Variants in THADA observed in about 807,000 individuals in gnomAD.
THADA encodes the protein THADA armadillo repeat containing.
In THADA, 213 loss-of-function variants were observed where a neutral mutation model predicts 219.8. That is an observed-to-expected ratio of 0.97 (90% CI 0.87 to 1.09). The LOEUF (loss-of-function observed/expected upper bound fraction) is 1.09, where lower values mean the gene tolerates loss of function less well. Ranked by LOEUF, THADA falls within the 50% of genes least tolerant of loss-of-function variation. THADA has a pLI of 0.00. For synonymous variants in THADA, 1,018 were observed against 828.9 expected, an observed-to-expected ratio of 1.23 and a Z score of -3.92; for missense variants, 2,956 against 2,311.3, an observed-to-expected ratio of 1.28 and a Z score of -5.72.
At chr2:43,291,454 CAAAAAAAAAAAAAAA>C (rs765352765) in intron 34 of THADA, among the ~76,000 whole-genome samples, 1 of 8,094 alleles carries the variant, frequency 1.2e-4, no homozygotes, top group African/African-American at 4.5e-4. Flanking sequence ...AACTCCATCT[CAAAAAAAAAAAAAAA>C]AAAAAAAAAA....
At chr2:43,413,902 A>G (rs774952020) in intron 28 of THADA, among the ~76,000 whole-genome samples, 1 of 152,206 alleles carries the variant, frequency 6.6e-6, no homozygotes, top group Non-Finnish European at 1.5e-5. Flanking sequence ...CAGAATCCTC[A>G]AAGGATTGGT....
In THADA at chr2:43,515,174, T is replaced by C. The variant is rs1236873039; in HGVS notation, c.3375-6394A>G. ...TTTATATATTATATATAATATATTA[T>C]ATATTATATATAATATATTATATAT... On this transcript the variant is annotated intron_variant, in intron 22 of 37. Coordinates refer to ENST00000405975, the MANE Select transcript of THADA (RefSeq NM_022065.5). 4.1e-4 allele frequency among the ~76,000 whole-genome samples: 25 copies of C among 60,972 alleles called. 5 individuals are homozygous for C. The highest frequency in any genetic ancestry group is 1.5e-3 in the African/African-American group (23 of 15,002). The allele number at this position is 60,972 out of a possible 152,430, so 40.0% of individuals were successfully genotyped here. A position where few individuals can be genotyped will look rare whatever the true frequency, so the allele number is the denominator to read the frequency against.
At chr2:43,246,802 C>A in intron 36 of THADA, among the ~76,000 whole-genome samples, 1 of 152,206 alleles carries the variant, frequency 6.6e-6, no homozygotes, top group East Asian at 1.9e-4. Context: ...GGCCAACACT[C>A]CCCAGCAGCC....
intron 29 of THADA, among the ~76,000 whole-genome samples, chr2:43,371,049 G>A (rs1573321003): frequency 6.6e-6 from 1 of 152,174 alleles, no homozygotes; most frequent in African/African-American, 2.4e-5. Context: ...AGTGAACACT[G>A]AAAAACATGC....
chr2:43,336,898 G>C (rs1276997844), intron 30 of THADA, among the ~76,000 whole-genome samples: 1 of 152,238 alleles, frequency 6.6e-6, no homozygotes, highest in Non-Finnish European at 1.5e-5. Context: ...CAGAAGCACA[G>C]AGTATACTCA....
intron 22 of THADA, among the ~76,000 whole-genome samples, chr2:43,514,143 A>C (rs1690857361): frequency 6.6e-6 from 1 of 151,882 alleles, no homozygotes; most frequent in South Asian, 2.1e-4. Flanking sequence ...AAAATAAAAA[A>C]GACTAGAAAT....
At chr2:43,265,950 C>T (rs1671466189) in intron 36 of THADA, among the ~76,000 whole-genome samples, 3 of 115,416 alleles carry the variant, frequency 2.6e-5, no homozygotes, top group African/African-American at 7.0e-5. Context: ...CACACACACA[C>T]ACACACACAC....
intron 26 of THADA, among the ~76,000 whole-genome samples, chr2:43,477,097 A>G (rs1462715085): frequency 6.6e-6 from 1 of 152,212 alleles, no homozygotes; most frequent in Non-Finnish European, 1.5e-5. Context: ...GCCAAGATAT[A>G]TCTCAAATAT....
chr2:43,572,179 G>A (rs1409821538), intron 12 of THADA, among the ~76,000 whole-genome samples: 1 of 151,902 alleles, frequency 6.6e-6, no homozygotes, highest in African/African-American at 2.4e-5. Flanking sequence ...TTAAATTACT[G>A]CCAGACACTT....
At chr2:43,311,383 T>C (rs956487314) in intron 31 of THADA, among the ~76,000 whole-genome samples, 3 of 152,176 alleles carry the variant, frequency 2.0e-5, no homozygotes, top group African/African-American at 4.8e-5. Flanking sequence ...GGTAAGGATA[T>C]TGAGAAACTG....
intron 31 of THADA, among the ~76,000 whole-genome samples, chr2:43,299,918 C>T (rs1413248070): frequency 6.6e-6 from 1 of 151,150 alleles, no homozygotes; most frequent in Non-Finnish European, 1.5e-5. Flanking sequence ...ATCCCAGCTA[C>T]TCCGGAGGCT....
intron 36 of THADA, among the ~76,000 whole-genome samples, chr2:43,254,547 C>T (rs1268264119): frequency 3.9e-5 from 6 of 152,106 alleles, no homozygotes; most frequent in African/African-American, 1.2e-4. Context: ...CTCACGCACT[C>T]GATGCTTGTA....
chr2:43,232,658 G>A (rs1248110827), intron 37 of THADA, 55 bp downstream of exon 37: 1 of 1,568,350 alleles, frequency 6.4e-7, no homozygotes, highest in East Asian at 2.3e-5. Context: ...GCTGCATCTA[G>A]CGGGTTTAGG....
chr2:43,430,189 TG>T, intron 27 of THADA, 23 bp downstream of exon 27: 1 of 1,274,096 alleles, frequency 7.8e-7, no homozygotes, highest in Non-Finnish European at 1.1e-6. Flanking sequence ...GAGGTCATTT[TG>T]CCCCACCCAA....
At chr2:43,462,693 C>T (rs539288938) in intron 26 of THADA, among the ~76,000 whole-genome samples, 1 of 152,288 alleles carries the variant, frequency 6.6e-6, no homozygotes, top group South Asian at 2.1e-4. Flanking sequence ...CTCTTATACA[C>T]TGTGCCCTAT....
intron 31 of THADA, among the ~76,000 whole-genome samples, chr2:43,315,012 T>C (rs1282327328): frequency 6.6e-6 from 1 of 152,232 alleles, no homozygotes; most frequent in Non-Finnish European, 1.5e-5. Flanking sequence ...TTTTTCTCCT[T>C]GTTTATGCCC....
chr2:43,277,520 C>T (rs1303430384), intron 36 of THADA, among the ~76,000 whole-genome samples: 1 of 152,200 alleles, frequency 6.6e-6, no homozygotes, highest in Non-Finnish European at 1.5e-5. Flanking sequence ...AATGCACCTC[C>T]TACTTCCCCA....
At chr2:43,540,238 C>G (rs1695122372) in intron 21 of THADA, among the ~76,000 whole-genome samples, 1 of 152,232 alleles carries the variant, frequency 6.6e-6, no homozygotes, top group South Asian at 2.1e-4. Flanking sequence ...GAATAAGGAA[C>G]ATAATGATGC....
chr2:43,322,674 CTTTTT>C (rs34557514), intron 30 of THADA, among the ~76,000 whole-genome samples: 19 of 54,818 alleles, frequency 3.5e-4, no homozygotes, highest in South Asian at 2.6e-3. Flanking sequence ...ACATTCTATT[CTTTTT>C]TTTTTTTTTT....
Sources: allele counts gnomAD v4.1 joint callset (sites outside exome capture counted in the v4.1 genomes callset), GRCh38; gene constraint gnomAD v4.1.1; transcripts MANE v1.5; gene names NCBI Gene and HGNC (gene_info 2026-07-23, HGNC 2026-07-21).